DNAH6: variants seen among roughly 807,000 people sequenced by gnomAD.
DNAH6 encodes axonemal beta dynein heavy chain 6.
DNAH6 carries 340 observed loss-of-function variants against 491.4 expected under a neutral mutation model. The observed-to-expected ratio is 0.69, with a 90% confidence interval of 0.63 to 0.76. The LOEUF is 0.76. Among genes scored for constraint, DNAH6 ranks in the 30% least tolerant of loss-of-function variants. The pLI is 0.00. For synonymous variants in DNAH6, 1,603 were observed against 1,686.1 expected (o/e 0.95, Z 1.21); for missense variants, 4,443 against 4,972.2 (o/e 0.89, Z 3.20).
chr2:84,637,780 G>T (rs1480498658), intron 31 of DNAH6, among the ~76,000 whole-genome samples: 1 of 152,202 alleles, frequency 6.6e-6, no homozygotes, highest in Non-Finnish European at 1.5e-5. Context: ...ACTATGAAGT[G>T]GTTGGAGATT....
At position 84,812,307 on chromosome 2, in the gene DNAH6, G is replaced by A. The variant is rs570673808; in HGVS notation, c.11740-34G>A. The A allele has an allele frequency of 7.2e-6, 11 of 1,537,698 alleles. No individual in the cohort carries two copies. The East Asian group carries it at 2.2e-4, about 31-fold the overall frequency. ...TCACTGACACTGGATAATGACATCT[G>A]CAAAGGCCACCAACCCCTTTTTTGT... On this transcript the variant is annotated intron_variant, in intron 72 of 76. Transcript: ENST00000389394.
chr2:84,707,075 G>A, intron 53 of DNAH6, 56 bp downstream of exon 53: 4 of 1,476,616 alleles, frequency 2.7e-6, no homozygotes, highest in Non-Finnish European at 3.6e-6. Context: ...TCAGAAGTAG[G>A]AAGAAGTTTT....
intron 10 of DNAH6, among the ~76,000 whole-genome samples, chr2:84,554,935 C>T (rs1178289536): frequency 6.6e-6 from 1 of 152,226 alleles, no homozygotes; most frequent in African/African-American, 2.4e-5. Flanking sequence ...TTATAGGACC[C>T]TGTTCCCCAC....
chr2:84,598,139 C>CTTTCT (rs1443980707), intron 18 of DNAH6, among the ~76,000 whole-genome samples: 21 of 55,850 alleles, frequency 3.8e-4, no homozygotes, highest in Non-Finnish European at 4.3e-4. Context: ...TTCTTTCTTT[C>CTTTCT]TTTCTTTCTT....
At position 84,641,958 on chromosome 2, in the gene DNAH6, G is replaced by C; in HGVS notation, c.4982G>C (p.Arg1661Thr). ...TCCTTTAAATTTAGATCTTTAAAAA[G>C]AGAAAACCCAGACCTAAATGAAGAT... ...SVLVMAGSLK[R>T]ENPDLNEDVV... The change falls in exon 33 of 77, where the codon AGA becomes ACA. Residue 1661 changes from arginine (R) to threonine (T), a missense_variant. Arg to Thr is a moderately conservative substitution (Grantham distance 71). Coordinates refer to ENST00000389394, the MANE Select transcript of DNAH6 (RefSeq NM_001370.2). 6.5e-7 allele frequency: 1 copy of C among 1,549,826 alleles called. No individual in the cohort carries two copies. The highest frequency in any genetic ancestry group is 8.7e-7 in the Non-Finnish European group (1 of 1,146,196).
At chr2:84,668,094 G>A (rs1184260911) in intron 37 of DNAH6, among the ~76,000 whole-genome samples, 2 of 152,170 alleles carry the variant, frequency 1.3e-5, no homozygotes, top group African/African-American at 4.8e-5. Flanking sequence ...CTGTCGTGGG[G>A]CGGGGGGAGG....
chr2:84,513,934 C>T (rs1309239450), upstream of DNAH6, among the ~76,000 whole-genome samples: 1 of 152,088 alleles, frequency 6.6e-6, no homozygotes, highest in Non-Finnish European at 1.5e-5. Context: ...TTTGTCACTG[C>T]CAGTTTTTTC....
intron 41 of DNAH6, 58 bp downstream of exon 41, chr2:84,677,194 G>C (rs1693323512): frequency 7.1e-6 from 11 of 1,545,986 alleles, no homozygotes; most frequent in South Asian, 3.6e-5. Context: ...TTGTTCCAAG[G>C]CTCCCACAAT....
At chr2:84,649,135 C>T (rs954136364) in intron 33 of DNAH6, among the ~76,000 whole-genome samples, 1 of 152,168 alleles carries the variant, frequency 6.6e-6, no homozygotes, top group African/African-American at 2.4e-5. Context: ...ATTTTTTAGA[C>T]ATAATGCTAT....
chr2:84,650,039 AT>A (rs942744733), intron 33 of DNAH6, among the ~76,000 whole-genome samples: 47 of 148,802 alleles, frequency 3.2e-4, no homozygotes, highest in African/African-American at 7.6e-4. Flanking sequence ...ATAAGGTGTC[AT>A]TTTTTTTTTC....
chr2:84,595,759 C>G lies in DNAH6; in HGVS notation c.2838C>G (p.Leu946=). The part of the protein sequence containing the change: ...GLPPNSVVPQ[L]KYKVEKMKEK... The stretch of plus-strand genomic sequence containing the variant: ...CACCCAACAGTGTAGTGCCCCAGCT[C>G]AAATACAAGGTGGAAAAAATGAAAG... Residue 946 remains leucine, a synonymous_variant, in exon 18 of 77, where the codon CTC becomes CTG. Coordinates refer to ENST00000389394, the MANE Select transcript of DNAH6 (RefSeq NM_001370.2). 1 of 1,547,398 alleles carries G rather than the reference C, an allele frequency of 6.5e-7. No individual in the cohort carries two copies. Among genetic ancestry groups the G allele is most frequent in the Non-Finnish European group, 8.7e-7 (1 of 1,145,742 alleles).
intron 32 of DNAH6, among the ~76,000 whole-genome samples, 200 bp from the exon 33 acceptor site, chr2:84,641,747 T>G (rs888618859): frequency 1.3e-5 from 2 of 152,190 alleles, no homozygotes; most frequent in Non-Finnish European, 2.9e-5. Flanking sequence ...GTCCTTGTCA[T>G]TCTCTCCAAG....
At chr2:84,476,455 G>A in the DNAH6 span, among the ~76,000 whole-genome samples, 2 of 152,188 alleles carry the variant, frequency 1.3e-5, no homozygotes, top group African/African-American at 4.8e-5. Flanking sequence ...ACTTAATTCA[G>A]CAGTTGGAAC....
chr2:84,697,543 C>T, intron 46 of DNAH6, 32 bp from the exon 47 acceptor site: 2 of 1,499,328 alleles, frequency 1.3e-6, no homozygotes, highest in Non-Finnish European at 1.8e-6. Flanking sequence ...AATGATTGAG[C>T]AAGTTGTAAT....
intron 49 of DNAH6, 59 bp downstream of exon 49, chr2:84,701,398 T>C (rs1003724447): frequency 6.0e-6 from 9 of 1,510,902 alleles, no homozygotes; most frequent in African/African-American, 2.8e-5. Context: ...CTTTTGAGAA[T>C]GCATGGAAAC....
intron 26 of DNAH6, among the ~76,000 whole-genome samples, chr2:84,621,945 G>C (rs1185973452): frequency 3.3e-5 from 5 of 152,070 alleles, no homozygotes; most frequent in African/African-American, 1.2e-4. Flanking sequence ...TATTTCTGCT[G>C]TTTTGTAAAA....
the DNAH6 span, among the ~76,000 whole-genome samples, chr2:84,476,278 G>A: frequency 6.6e-6 from 1 of 152,148 alleles, no homozygotes; most frequent in Non-Finnish European, 1.5e-5. Context: ...TATAGTTACG[G>A]GAAATTGCCA....
intron 40 of DNAH6, among the ~76,000 whole-genome samples, chr2:84,674,989 C>T (rs1442966974): frequency 1.3e-5 from 2 of 152,208 alleles, no homozygotes; most frequent in Non-Finnish European, 2.9e-5. Flanking sequence ...ACCCATATCC[C>T]CCACGGCATG....
intron 67 of DNAH6, among the ~76,000 whole-genome samples, chr2:84,786,205 C>T (rs923818996): frequency 5.3e-5 from 8 of 152,044 alleles, no homozygotes; most frequent in South Asian, 2.1e-4. Flanking sequence ...ATGGGCAATT[C>T]GCTTGAGCCC....
Sources: gnomAD v4.1 joint callset for allele counts (sites outside exome capture counted in the v4.1 genomes callset) on GRCh38, gnomAD v4.1.1 for gene constraint, MANE v1.5 for transcripts, NCBI Gene and HGNC (gene_info 2026-07-23, HGNC 2026-07-21) for gene names.